The following LRRC37A2 variants were observed in gnomAD, a reference collection of about 807,000 sequenced individuals.
LRRC37A2 encodes the protein leucine rich repeat containing 37 member A2.
In LRRC37A2, 9 loss-of-function variants were observed where a neutral mutation model predicts 68.8. That is an observed-to-expected ratio of 0.13 (90% CI 0.08 to 0.23). The LOEUF is 0.23. LRRC37A2 is among the 10% of genes least tolerant of loss of function. The pLI is 1.00. For synonymous variants in LRRC37A2, 63 were observed against 367.6 expected, an observed-to-expected ratio of 0.17 and a Z score of 9.48; for missense variants, 168 against 950.4, an observed-to-expected ratio of 0.18 and a Z score of 10.82.
At chr17:46,972,227 G>A in the LRRC37A2 span, among the ~76,000 whole-genome samples, 3 of 152,114 alleles carry the variant, frequency 2.0e-5, no homozygotes, top group Non-Finnish European at 2.9e-5. Flanking sequence ...TGCTTCTCCC[G>A]CCACCCGCTT....
the LRRC37A2 span, among the ~76,000 whole-genome samples, chr17:46,496,425 G>A: frequency 5.2e-3 from 777 of 149,238 alleles, 47 homozygotes; most frequent in African/African-American, 0.019. Flanking sequence ...ACAACATGGC[G>A]AAACCCCATC....
At chr17:46,671,746 GTTTAT>G in the LRRC37A2 span, among the ~76,000 whole-genome samples, 2 of 102,092 alleles carry the variant, frequency 2.0e-5, no homozygotes, top group African/African-American at 7.1e-5. Flanking sequence ...TTTGTGAATT[GTTTAT>G]TTTATAATAT....
chr17:46,708,073 ATGT>A, the LRRC37A2 span, among the ~76,000 whole-genome samples: 3 of 151,428 alleles, frequency 2.0e-5, no homozygotes, highest in Admixed American at 6.6e-5. Flanking sequence ...TACATACCAC[ATGT>A]TGTTATCCAT....
chr17:46,942,726 CTG>C, the LRRC37A2 span, among the ~76,000 whole-genome samples: 2 of 152,246 alleles, frequency 1.3e-5, no homozygotes, highest in Non-Finnish European at 2.9e-5. Flanking sequence ...ATAGCCCTAT[CTG>C]TGGCTAGTGG....
downstream of LRRC37A2, among the ~76,000 whole-genome samples, chr17:46,558,052 A>G (rs1287480509): frequency 4.3e-5 from 6 of 138,806 alleles, 1 homozygote; most frequent in Non-Finnish European, 9.4e-5. Context: ...GAAATTCAGG[A>G]GTTTTGTTTG....
chr17:46,409,372 T>C, the LRRC37A2 span, among the ~76,000 whole-genome samples: 2 of 147,992 alleles, frequency 1.4e-5, no homozygotes, highest in Non-Finnish European at 3.0e-5. Context: ...TCATGGCTCC[T>C]GGTCTCAAGC....
At chr17:46,729,467 A>G in the LRRC37A2 span, among the ~76,000 whole-genome samples, 1 of 152,080 alleles carries the variant, frequency 6.6e-6, no homozygotes, top group African/African-American at 2.4e-5. Context: ...CTGTGTTTGC[A>G]TTTTTACTGA....
At chr17:46,876,762 G>A in the LRRC37A2 span, 3 of 1,498,720 alleles carry the variant, frequency 2.0e-6, no homozygotes, top group Middle Eastern at 2.1e-4. Flanking sequence ...AGGACCTCCT[G>A]TGGCACCCTT....
At chr17:46,755,486 C>A in the LRRC37A2 span, 1 of 935,342 alleles carries the variant, frequency 1.1e-6, no homozygotes, top group Non-Finnish European at 1.7e-6. Flanking sequence ...TTGAATTCTT[C>A]GCTGTGTTGT....
chr17:46,850,563 C>G, the LRRC37A2 span, among the ~76,000 whole-genome samples: 1 of 152,170 alleles, frequency 6.6e-6, no homozygotes, highest in South Asian at 2.1e-4. Context: ...ACATGCAGAT[C>G]TTGACATTCA....
the LRRC37A2 span, chr17:46,830,975 T>C: frequency 9.3e-4 from 364 of 391,754 alleles, 2 homozygotes; most frequent in African/African-American, 6.5e-3. Context: ...AGTGTCTGGT[T>C]AGAATGAAAC....
the LRRC37A2 span, among the ~76,000 whole-genome samples, chr17:47,014,609 G>A: frequency 6.6e-6 from 1 of 151,452 alleles, no homozygotes; most frequent in East Asian, 1.9e-4. Context: ...GAAGTTTGGA[G>A]AGCAGAACTG....
At chr17:46,876,867 A>T in the LRRC37A2 span, 185 of 1,398,918 alleles carry the variant, frequency 1.3e-4, no homozygotes, top group Non-Finnish European at 1.6e-4. Flanking sequence ...ACTCACCACC[A>T]TTCCTTGGCC....
chr17:46,958,740 C>T, the LRRC37A2 span, among the ~76,000 whole-genome samples: 1 of 152,192 alleles, frequency 6.6e-6, no homozygotes, highest in East Asian at 1.9e-4. Flanking sequence ...AGCCAACTTC[C>T]GGCGAAGTCA....
chr17:46,857,241 G>A, the LRRC37A2 span, among the ~76,000 whole-genome samples: 2 of 152,158 alleles, frequency 1.3e-5, no homozygotes, highest in African/African-American at 2.4e-5. Context: ...GGCCGAGACG[G>A]GCAGATCACT....
At chr17:46,907,999 G>C in the LRRC37A2 span, among the ~76,000 whole-genome samples, 1 of 152,144 alleles carries the variant, frequency 6.6e-6, no homozygotes, top group Non-Finnish European at 1.5e-5. Flanking sequence ...CACTGTGGGA[G>C]AGCAGGCTGG....
chr17:46,841,789 T>C, the LRRC37A2 span, among the ~76,000 whole-genome samples: 1 of 152,234 alleles, frequency 6.6e-6, no homozygotes, highest in Non-Finnish European at 1.5e-5. Flanking sequence ...TGCATCCAGC[T>C]GAGAGACCTT....
chr17:47,019,045 C>T, the LRRC37A2 span: 1 of 1,421,420 alleles, frequency 7.0e-7, no homozygotes, highest in Non-Finnish European at 9.9e-7. Flanking sequence ...CTTACCATCA[C>T]TCCAGAACCC....
At chr17:46,695,004 T>C in the LRRC37A2 span, among the ~76,000 whole-genome samples, 1 of 112,560 alleles carries the variant, frequency 8.9e-6, no homozygotes, top group Non-Finnish European at 1.8e-5. Flanking sequence ...CCCAGCACTT[T>C]GGGAGGCTGA....
Sources: gnomAD v4.1 joint callset for allele counts (sites outside exome capture counted in the v4.1 genomes callset) on GRCh38, gnomAD v4.1.1 for gene constraint, MANE v1.5 for transcripts, NCBI Gene and HGNC (gene_info 2026-07-23, HGNC 2026-07-21) for gene names.